The following VPS8 variants were observed in gnomAD, a reference collection of about 807,000 sequenced individuals.
The protein encoded by VPS8 is vacuolar protein sorting-associated protein 8 homolog.
A neutral mutation model predicts 216.4 loss-of-function variants in VPS8; 129 were observed. That is an observed-to-expected ratio of 0.60 (90% confidence interval 0.52 to 0.69). The LOEUF is 0.69. Among genes scored for constraint, VPS8 ranks in the 30% least tolerant of loss-of-function variants. VPS8 has a pLI of 0.00. For missense variants in VPS8, 1,531 were observed against 1,683.5 expected (o/e 0.91, Z 1.59); for synonymous variants, 571 against 565.4 (o/e 1.01, Z -0.14).
chr3:185,000,519 G>T (rs1455174084), intron 45 of VPS8, among the ~76,000 whole-genome samples: 4 of 151,750 alleles, frequency 2.6e-5, no homozygotes, highest in Non-Finnish European at 5.9e-5. Flanking sequence ...TTGGCTTCCT[G>T]TTCCTTCCTC....
chr3:184,827,322 G>T (rs1719011962), intron 3 of VPS8, among the ~76,000 whole-genome samples: 1 of 152,186 alleles, frequency 6.6e-6, no homozygotes, highest in African/African-American at 2.4e-5. Context: ...GTTACTTTGA[G>T]TGTATTTTAA....
rs981355709 is a variant in VPS8 at position 184,918,323 on chromosome 3, AT to A, written c.2383-1803del. ...TAGTAATTTTTGAAGTACTACAAAA[AT>A]ATTTTTTTATGTCCAAATTCACAGA... On this transcript the variant is annotated intron_variant, in intron 28 of 47. Coordinates refer to ENST00000625842, the MANE Select transcript of VPS8 (RefSeq NM_001009921.3). Among the ~76,000 whole-genome samples, 28 of 152,228 alleles carry A rather than the reference AT, an allele frequency of 1.8e-4. 1 individual carries two copies. The highest frequency in any genetic ancestry group is 6.5e-4 in the African/African-American group (27 of 41,468).
chr3:184,871,337 T>C (rs533651113), intron 21 of VPS8, among the ~76,000 whole-genome samples: 1 of 152,232 alleles, frequency 6.6e-6, no homozygotes, highest in Admixed American at 6.5e-5. Flanking sequence ...AGGTTTTACT[T>C]TCTGCAGTGC....
chr3:184,823,874 T>G (rs1718150444), intron 1 of VPS8, among the ~76,000 whole-genome samples: 1 of 152,222 alleles, frequency 6.6e-6, no homozygotes, highest in Admixed American at 6.5e-5. Context: ...AAAAGCTGTA[T>G]AAGTTTCTAG....
At chr3:184,980,279 T>C (rs781407508) in intron 40 of VPS8, among the ~76,000 whole-genome samples, 12 of 152,054 alleles carry the variant, frequency 7.9e-5, no homozygotes, top group Non-Finnish European at 1.8e-4. Flanking sequence ...GTAATGGTCA[T>C]CTTGTATAAT....
chr3:184,849,288 G>A, intron 9 of VPS8, 93 bp downstream of exon 9: 3 of 1,409,138 alleles, frequency 2.1e-6, no homozygotes, highest in Non-Finnish European at 1.9e-6. Context: ...CAAAATACGT[G>A]TTATGAAGTA....
chr3:185,038,330 C>G (rs1561229604), intron 46 of VPS8, among the ~76,000 whole-genome samples: 1 of 152,190 alleles, frequency 6.6e-6, no homozygotes, highest in African/African-American at 2.4e-5. Flanking sequence ...CTGATGATTG[C>G]TCTATTGTTT....
chr3:184,913,450 A>G, intron 25 of VPS8, 69 bp from the exon 26 acceptor site: 3 of 1,357,844 alleles, frequency 2.2e-6, no homozygotes, highest in Non-Finnish European at 3.1e-6. Flanking sequence ...TTTTGTTTCT[A>G]CATAAAGATT....
intron 46 of VPS8, 81 bp from the exon 47 acceptor site, chr3:185,048,398 A>C (rs3821749): frequency 0.45 from 600,910 of 1,321,380 alleles, 138,504 homozygotes; most frequent in East Asian, 0.65. Context: ...GCACCATGTT[A>C]TGCTTCAGCA....
Position 184,834,731 on chromosome 3 carries a change from G to T in VPS8, c.436G>T (p.Val146Leu). ...SLLKGISAQI[V>L]SAADKVDAGL... is the part of the protein sequence containing the mutation. The stretch of plus-strand genomic sequence containing the variant: ...TTTGAAGGGAATTTCTGCCCAGATA[G>T]TGTCTGCAGCTGTAAGTATTTTGTT... Residue 146 changes from valine to leucine, a missense_variant, in exon 5 of 48, where the codon GTG becomes TTG. Val to Leu is a conservative substitution (Grantham distance 32). Around this residue, in one of 3 missense-constraint regions of VPS8, gnomAD observed 199 missense variants for 182.2 expected, o/e 1.09. Coordinates refer to ENST00000625842, the MANE Select transcript of VPS8 (RefSeq NM_001009921.3). 1 of 1,559,948 alleles carries T rather than the reference G, an allele frequency of 6.4e-7. No homozygotes were observed. Among genetic ancestry groups the T allele is most frequent in the Non-Finnish European group, 8.7e-7 (1 of 1,150,840 alleles).
chr3:184,913,404 A>G, intron 25 of VPS8, 115 bp from the exon 26 acceptor site: 7 of 845,110 alleles, frequency 8.3e-6, no homozygotes, highest in South Asian at 7.9e-5. Flanking sequence ...TTATTTGGGA[A>G]TATACTTACC....
At chr3:184,923,481 T>TA in intron 29 of VPS8, among the ~76,000 whole-genome samples, 1 of 152,350 alleles carries the variant, frequency 6.6e-6, no homozygotes, top group East Asian at 1.9e-4. Context: ...CAGTCACTTG[T>TA]ATCTTGCTCT....
chr3:184,843,433 A>G (rs1191151113), intron 8 of VPS8, among the ~76,000 whole-genome samples, 188 bp downstream of exon 8: 2 of 152,164 alleles, frequency 1.3e-5, no homozygotes, highest in Non-Finnish European at 2.9e-5. Flanking sequence ...TCAATGTTTT[A>G]ACTGAAAAAT....
intron 42 of VPS8, among the ~76,000 whole-genome samples, chr3:184,988,350 T>C (rs527418487): frequency 2.0e-5 from 3 of 152,336 alleles, no homozygotes; most frequent in East Asian, 3.9e-4. Flanking sequence ...GGGGAAAATA[T>C]ATGGTCAGTG....
intron 46 of VPS8, among the ~76,000 whole-genome samples, chr3:185,047,851 TC>T (rs913389712): frequency 2.0e-5 from 3 of 152,096 alleles, no homozygotes; most frequent in African/African-American, 7.2e-5. Flanking sequence ...TATGGCCGCC[TC>T]CCCCAGGATC....
intron 21 of VPS8, among the ~76,000 whole-genome samples, chr3:184,872,622 A>G (rs1728545478): frequency 6.6e-6 from 1 of 152,122 alleles, no homozygotes; most frequent in Non-Finnish European, 1.5e-5. Flanking sequence ...GGTGAAGGAA[A>G]CAATGGAGGG....
Position 184,864,213 on chromosome 3 carries a change from G to C in VPS8, c.1395+1146G>C, listed in dbSNP as rs193164575. Among the ~76,000 whole-genome samples, 224 of 152,230 alleles carry C rather than the reference G, an allele frequency of 1.5e-3. 2 individuals carry two copies. Among genetic ancestry groups the C allele is most frequent in the Non-Finnish European group, 6.9e-4 (47 of 68,004 alleles). The stretch of plus-strand genomic sequence containing the variant: ...GCAGTTCTTAAGACACTGGACATCT[G>C]TAGTGATGGACAGCAATCTCTCACC... On this transcript the variant is annotated intron_variant, in intron 16 of 47. Coordinates refer to ENST00000625842, the MANE Select transcript of VPS8 (RefSeq NM_001009921.3).
At chr3:185,002,176 CATT>C (rs1443132496) in intron 45 of VPS8, among the ~76,000 whole-genome samples, 1 of 152,176 alleles carries the variant, frequency 6.6e-6, no homozygotes, top group Non-Finnish European at 1.5e-5. Flanking sequence ...ATACTTATGG[CATT>C]ATATTTTTTC....
intron 21 of VPS8, 40 bp from the exon 22 acceptor site, chr3:184,886,070 G>C: frequency 6.3e-7 from 1 of 1,592,788 alleles, no homozygotes; most frequent in Non-Finnish European, 8.6e-7. Flanking sequence ...CCACTGGACA[G>C]GGTTGTGGGG....
Sources: gnomAD v4.1 joint callset for allele counts (sites outside exome capture counted in the v4.1 genomes callset) on GRCh38, gnomAD v4.1.1 for gene constraint, gnomAD v4.1.1 regional missense constraint, MANE v1.5 for transcripts, NCBI Gene and HGNC (gene_info 2026-07-23, HGNC 2026-07-21) for gene names.